The following MINDY4 variants were observed in gnomAD, a reference collection of about 807,000 sequenced individuals.
MINDY4 encodes the protein MINDY lysine 48 deubiquitinase 4.
In MINDY4, 68 loss-of-function variants were observed where a neutral mutation model predicts 87.0. That is an observed-to-expected ratio of 0.78 (90% CI 0.64 to 0.96). The LOEUF is 0.96. MINDY4 is among the 40% of genes least tolerant of loss of function. MINDY4 has a pLI of 0.00. For synonymous variants in MINDY4, 379 were observed against 363.2 expected (o/e 1.04, Z -0.50); for missense variants, 919 against 928.2 (o/e 0.99, Z 0.13).
chr7:30,774,459 C>T (rs140771879), intron 1 of MINDY4, among the ~76,000 whole-genome samples: 3 of 152,314 alleles, frequency 2.0e-5, no homozygotes, highest in Non-Finnish European at 2.9e-5. Context: ...ATGTTGTGCT[C>T]CTGCAGAATC....
At chr7:30,829,619 C>T (rs1562545125) in intron 6 of MINDY4, among the ~76,000 whole-genome samples, 1 of 152,166 alleles carries the variant, frequency 6.6e-6, no homozygotes, top group Non-Finnish European at 1.5e-5. Flanking sequence ...AGGTGCAGGC[C>T]TCTGAGCTGC....
chr7:30,788,904 C>T (rs1265553117), intron 4 of MINDY4, among the ~76,000 whole-genome samples: 1 of 152,168 alleles, frequency 6.6e-6, no homozygotes, highest in Non-Finnish European at 1.5e-5. Flanking sequence ...TCAGCATGGA[C>T]ATTCCTCGGT....
intron 4 of MINDY4, among the ~76,000 whole-genome samples, chr7:30,790,109 T>C (rs945809455): frequency 1.3e-5 from 2 of 152,234 alleles, no homozygotes; most frequent in Admixed American, 6.5e-5. Context: ...CGTCTGGCTC[T>C]GTGCTAGTGC....
At chr7:30,878,143 TCTC>T (rs1790336745) in intron 15 of MINDY4, among the ~76,000 whole-genome samples, 1 of 151,982 alleles carries the variant, frequency 6.6e-6, no homozygotes, top group Non-Finnish European at 1.5e-5. Context: ...GGCCTGGCCC[TCTC>T]CTCAGGCAGC....
intron 13 of MINDY4, among the ~76,000 whole-genome samples, chr7:30,859,934 A>G (rs1033380024): frequency 6.6e-6 from 1 of 152,190 alleles, no homozygotes; most frequent in African/African-American, 2.4e-5. Flanking sequence ...TTCCCCATGA[A>G]GCTCATTTGC....
intron 5 of MINDY4, among the ~76,000 whole-genome samples, chr7:30,819,832 T>G (rs1426401961): frequency 6.6e-6 from 1 of 152,050 alleles, no homozygotes; most frequent in Non-Finnish European, 1.5e-5. Flanking sequence ...AAGTGGTATA[T>G]TTTTGCCATG....
At chr7:30,875,295 A>G (rs1320186241) in intron 14 of MINDY4, among the ~76,000 whole-genome samples, 200 bp from the exon 15 acceptor site, 1 of 152,232 alleles carries the variant, frequency 6.6e-6, no homozygotes, top group Non-Finnish European at 1.5e-5. Flanking sequence ...GGGTGCCTGG[A>G]GTTACCTTGA....
At chr7:30,790,447 GATTT>G (rs963217397) in intron 4 of MINDY4, among the ~76,000 whole-genome samples, 2 of 141,634 alleles carry the variant, frequency 1.4e-5, no homozygotes, top group African/African-American at 2.8e-5. Flanking sequence ...GAGGTTTTGG[GATTT>G]ATTTATTTAT....
chr7:30,872,349 C>G (rs1790133063), intron 14 of MINDY4, 43 bp downstream of exon 14: 1 of 1,575,480 alleles, frequency 6.3e-7, no homozygotes, highest in African/African-American at 1.3e-5. Context: ...TCCCCCTCCT[C>G]TGTCCCTCAG....
At chr7:30,864,214 G>A (rs990890295) in intron 13 of MINDY4, among the ~76,000 whole-genome samples, 2 of 152,268 alleles carry the variant, frequency 1.3e-5, no homozygotes, top group Non-Finnish European at 1.5e-5. Context: ...TAGGTGCTGA[G>A]GGTGAGGGAT....
In MINDY4 at chr7:30,785,879, A is replaced by G; in HGVS notation, c.550A>G (p.Lys184Glu). 1 of 1,614,218 alleles carries G rather than the reference A, an allele frequency of 6.2e-7. No individual in the cohort carries two copies. The highest frequency in any genetic ancestry group is 1.1e-5 in the South Asian group (1 of 91,084). The part of the protein sequence containing the change: ...VLTSAWEKID[K>E]LHSEPSLDVK... ...GACTTCTGCATGGGAGAAGATAGAC[A>G]AGCTTCACTCGGAGCCTTCCTTGGA... is the stretch of plus-strand genomic sequence containing the variant. The change falls in exon 4 of 18, where the codon AAG (lysine) becomes GAG (glutamate). Residue 184 changes from lysine (K) to glutamate (E), a missense_variant. Transcript: ENST00000265299.
intron 14 of MINDY4, among the ~76,000 whole-genome samples, chr7:30,874,850 T>C (rs988384510): frequency 7.2e-5 from 11 of 152,202 alleles, no homozygotes; most frequent in Non-Finnish European, 1.3e-4. Context: ...AGTTTCCTGG[T>C]TGAGATAATG....
intron 15 of MINDY4, 51 bp downstream of exon 15, chr7:30,875,707 G>C: frequency 1.3e-6 from 2 of 1,547,374 alleles, no homozygotes; most frequent in Non-Finnish European, 1.7e-6. Context: ...ACTCTCTGGA[G>C]CAATGAGGAG....
chr7:30,866,263 G>A (rs1399323328), intron 13 of MINDY4, among the ~76,000 whole-genome samples: 1 of 152,206 alleles, frequency 6.6e-6, no homozygotes, highest in Non-Finnish European at 1.5e-5. Flanking sequence ...GTTCATGCAG[G>A]GCCAGGTGCG....
intron 17 of MINDY4, among the ~76,000 whole-genome samples, chr7:30,885,782 C>G (rs1005213238): frequency 4.0e-5 from 6 of 151,090 alleles, no homozygotes; most frequent in Non-Finnish European, 8.8e-5. Flanking sequence ...GCCATAGGCA[C>G]TGGGCCAGGG....
At chr7:30,797,081 G>T (rs1437128740) in intron 5 of MINDY4, among the ~76,000 whole-genome samples, 2 of 152,130 alleles carry the variant, frequency 1.3e-5, no homozygotes, top group African/African-American at 4.8e-5. Flanking sequence ...CTTGGAATTG[G>T]TCATGTTTAG....
chr7:30,835,368 C>A (rs1290848727), intron 6 of MINDY4, among the ~76,000 whole-genome samples: 1 of 152,202 alleles, frequency 6.6e-6, no homozygotes, highest in Non-Finnish European at 1.5e-5. Context: ...ACAGGAAAGA[C>A]CCACTCCCAT....
intron 15 of MINDY4, among the ~76,000 whole-genome samples, chr7:30,877,228 G>A (rs1790288149): frequency 6.6e-6 from 1 of 152,164 alleles, no homozygotes; most frequent in Non-Finnish European, 1.5e-5. Context: ...TGGGCCAAGA[G>A]AGGCAACCTT....
chr7:30,872,450 C>T lies in MINDY4; in HGVS notation c.1809+144C>T, dbSNP rs73076281. 4.5e-3 allele frequency: 3,192 copies of T among 711,740 alleles called. 14 individuals carry two copies. The highest frequency in any genetic ancestry group is 6.3e-3 in the Non-Finnish European group (2,656 of 422,922). The allele number at this position is 711,740 out of a possible 1,614,324, so 44.1% of individuals were successfully genotyped here. ...CACTCTTCAAGCAGCTTTCACGTGC[C>T]CACCTCTGCTGGGTTTCACTGTCAT... is the stretch of plus-strand genomic sequence containing the variant. On this transcript the variant is annotated intron_variant, in intron 14 of 17. Coordinates refer to ENST00000265299, the MANE Select transcript of MINDY4 (RefSeq NM_032222.3).
Sources: allele counts gnomAD v4.1 joint callset (sites outside exome capture counted in the v4.1 genomes callset), GRCh38; gene constraint gnomAD v4.1.1; transcripts MANE v1.5; gene names NCBI Gene and HGNC (gene_info 2026-07-23, HGNC 2026-07-21).